Variants in RPSA2 observed in about 807,000 individuals in gnomAD.
RPSA2 encodes the protein ribosomal protein SA 2.
At chr19:23,861,573 G>T in the RPSA2 span, among the ~76,000 whole-genome samples, 1 of 151,938 alleles carries the variant, frequency 6.6e-6, no homozygotes, top group African/African-American at 2.4e-5. Context: ...CTTTTCCACC[G>T]GGCCTCAGTC....
At chr19:23,809,934 C>A in the RPSA2 span, among the ~76,000 whole-genome samples, 3 of 152,046 alleles carry the variant, frequency 2.0e-5, no homozygotes, top group Non-Finnish European at 4.4e-5. Flanking sequence ...GGAGCAAACA[C>A]CTCTTCAAGA....
At chr19:23,776,953 C>T in the RPSA2 span, among the ~76,000 whole-genome samples, 1 of 152,170 alleles carries the variant, frequency 6.6e-6, no homozygotes, top group Admixed American at 6.5e-5. Flanking sequence ...CTGGGCCCAG[C>T]ACCTAGGTGA....
At chr19:23,856,236 C>T in the RPSA2 span, among the ~76,000 whole-genome samples, 1 of 152,100 alleles carries the variant, frequency 6.6e-6, no homozygotes, top group African/African-American at 2.4e-5. Context: ...CCAAATCACC[C>T]CAAACGGTGA....
chr19:23,863,490 G>A, the RPSA2 span, among the ~76,000 whole-genome samples: 20 of 149,332 alleles, frequency 1.3e-4, no homozygotes, highest in South Asian at 4.4e-3. Flanking sequence ...CTTGAACTCA[G>A]GAGGTGGGTG....
At chr19:23,853,395 G>T in the RPSA2 span, among the ~76,000 whole-genome samples, 2 of 152,086 alleles carry the variant, frequency 1.3e-5, no homozygotes, top group Admixed American at 6.5e-5. Context: ...ATTCCAGGGG[G>T]GAAAGAAGAT....
the RPSA2 span, among the ~76,000 whole-genome samples, chr19:23,765,976 TA>T: frequency 1.7e-4 from 1 of 5,978 alleles, no homozygotes. Flanking sequence ...TACTTGTACA[TA>T]AAAAGACATA....
chr19:23,870,426 C>A, the RPSA2 span, among the ~76,000 whole-genome samples: 1 of 151,938 alleles, frequency 6.6e-6, no homozygotes, highest in African/African-American at 2.4e-5. Context: ...ATTTGTGTAA[C>A]CAACTTAGAA....
At chr19:23,845,519 T>C in the RPSA2 span, among the ~76,000 whole-genome samples, 1 of 152,164 alleles carries the variant, frequency 6.6e-6, no homozygotes. Context: ...TTGAGATGAG[T>C]TTTACTCTGT....
the RPSA2 span, among the ~76,000 whole-genome samples, chr19:23,835,001 A>G: frequency 4.6e-5 from 7 of 152,256 alleles, no homozygotes; most frequent in South Asian, 1.5e-3. Flanking sequence ...ACAAAATATG[A>G]TAATCACATT....
At chr19:23,758,901 G>C in the RPSA2 span, 2 of 1,023,724 alleles carry the variant, frequency 2.0e-6, no homozygotes, top group South Asian at 3.0e-5. Context: ...CAAAGGCCCC[G>C]CCAATCCCGG....
the RPSA2 span, chr19:23,843,043 G>C: frequency 6.5e-6 from 1 of 152,792 alleles, no homozygotes; most frequent in South Asian, 2.1e-4. Flanking sequence ...TATTCTAAAG[G>C]TTCTGTCAGA....
At chr19:23,817,565 T>G in the RPSA2 span, 1 of 152,200 alleles carries the variant, frequency 6.6e-6, no homozygotes, top group Non-Finnish European at 1.5e-5. Context: ...TATGTGGTTT[T>G]GTTAGAGAAA....
chr19:23,868,305 G>A, the RPSA2 span, among the ~76,000 whole-genome samples: 1 of 152,294 alleles, frequency 6.6e-6, no homozygotes, highest in Non-Finnish European at 1.5e-5. Flanking sequence ...AGCCAAATGG[G>A]TGAGACATCC....
the RPSA2 span, among the ~76,000 whole-genome samples, chr19:23,850,907 G>T: frequency 4.8e-4 from 73 of 152,304 alleles, no homozygotes; most frequent in Non-Finnish European, 8.1e-4. Flanking sequence ...TTTTTAAGGT[G>T]TGATTGGCCC....
chr19:23,822,359 T>TA, the RPSA2 span, among the ~76,000 whole-genome samples: 7 of 152,202 alleles, frequency 4.6e-5, no homozygotes, highest in Non-Finnish European at 8.8e-5. Context: ...AGCAGAGAGC[T>TA]GCCTGGGCTA....
the RPSA2 span, chr19:23,842,591 G>A: frequency 6.5e-6 from 1 of 153,636 alleles, no homozygotes; most frequent in Non-Finnish European, 1.5e-5. Context: ...ATTTTCTCAG[G>A]AGGAGTGGGA....
At chr19:23,852,811 A>C in the RPSA2 span, among the ~76,000 whole-genome samples, 1 of 152,206 alleles carries the variant, frequency 6.6e-6, no homozygotes, top group Non-Finnish European at 1.5e-5. Context: ...TTTGGAAATC[A>C]CTTAAGGTTT....
At chr19:23,851,039 T>C in the RPSA2 span, among the ~76,000 whole-genome samples, 1 of 152,192 alleles carries the variant, frequency 6.6e-6, no homozygotes, top group Non-Finnish European at 1.5e-5. Context: ...TTTTATCTGA[T>C]ATGGAAGCCC....
chr19:23,858,851 G>T, the RPSA2 span, among the ~76,000 whole-genome samples: 4 of 152,152 alleles, frequency 2.6e-5, no homozygotes, highest in Non-Finnish European at 1.5e-5. Context: ...CATGCACTCT[G>T]TAAATGTCCA....
Sources: allele counts gnomAD v4.1 joint callset (sites outside exome capture counted in the v4.1 genomes callset), GRCh38; gene constraint gnomAD v4.1.1; transcripts MANE v1.5; gene names NCBI Gene and HGNC (gene_info 2026-07-23, HGNC 2026-07-21).